Variants in MTMR2 observed in about 807,000 individuals in gnomAD.
MTMR2 encodes myotubularin related protein 2, also known as phosphatidylinositol-3,5-bisphosphate 3-phosphatase MTMR2.
A neutral mutation model predicts 86.9 loss-of-function variants in MTMR2; 55 were observed. That is an observed-to-expected ratio of 0.63 (90% confidence interval 0.51 to 0.79). The LOEUF (loss-of-function observed/expected upper bound fraction) is 0.79, where lower values mean the gene tolerates loss of function less well. Among genes scored for constraint, MTMR2 ranks in the 30% least tolerant of loss-of-function variants. MTMR2 has a pLI of 0.00. For missense variants in MTMR2, 659 were observed against 772.3 expected (o/e 0.85, Z 1.74); for synonymous variants, 241 against 266.8 (o/e 0.90, Z 0.94).
chr11:95,886,855 T>C (rs567791750), intron 2 of MTMR2, among the ~76,000 whole-genome samples: 5 of 152,288 alleles, frequency 3.3e-5, no homozygotes, highest in Non-Finnish European at 7.4e-5. Context: ...GATACATACA[T>C]ATATTTTAAA....
rs1863079167 is a variant in MTMR2 at position 95,832,892 on chromosome 11, A to G, written c.*2398T>C. The G allele has an allele frequency of 6.6e-6, 1 of 152,172 alleles. No homozygotes were observed. The highest frequency in any genetic ancestry group is 2.4e-5 in the African/African-American group (1 of 41,452). 9.4% of individuals were successfully genotyped at this position (152,172 alleles called of 1,614,324 possible). Reference sequence around the variant, plus strand: ...GTCATCCATCCACTTACGTTGTAACAGAGCTTTATTGCAATTCATTTCAAA... The same window carrying G: ...GTCATCCATCCACTTACGTTGTAACGGAGCTTTATTGCAATTCATTTCAAA... On this transcript the variant is annotated 3_prime_UTR_variant, in exon 15 of 15. Transcript: ENST00000346299.
Position 95,905,847 on chromosome 11 carries a change from G to A in MTMR2, c.81-17586C>T, listed in dbSNP as rs1355069772. Among the ~76,000 whole-genome samples the A allele has an allele frequency of 2.6e-5, 4 of 152,012 alleles. No individual in the cohort carries two copies. The East Asian group carries it at 7.7e-4, about 29-fold the overall frequency. The stretch of plus-strand genomic sequence containing the variant: ...CACTAAAATAAGGAGATAATATATA[G>A]GCTCAAAGTAAAGGGATAGAGAAAA... On this transcript the variant is annotated intron_variant, in intron 1 of 14. Coordinates refer to ENST00000346299, the MANE Select transcript of MTMR2 (RefSeq NM_016156.6).
intron 1 of MTMR2, chr11:95,914,338 G>A (rs912989330): frequency 3.1e-6 from 3 of 983,412 alleles, no homozygotes; most frequent in African/African-American, 3.5e-5. Context: ...AAGGAACTTA[G>A]GGGAATTCAG....
intron 14 of MTMR2, 71 bp downstream of exon 14, chr11:95,836,077 C>T: frequency 2.1e-6 from 3 of 1,406,752 alleles, no homozygotes; most frequent in Non-Finnish European, 3.0e-6. Flanking sequence ...ATAATCTTTC[C>T]AGCTGCTTTT....
intron 2 of MTMR2, among the ~76,000 whole-genome samples, chr11:95,873,900 T>C (rs1198022217): frequency 6.6e-6 from 1 of 151,992 alleles, no homozygotes; most frequent in South Asian, 2.1e-4. Flanking sequence ...TGTAGTTGAG[T>C]GGTTTTGAGT....
chr11:95,838,843 C>G (rs1200813567), intron 12 of MTMR2, among the ~76,000 whole-genome samples: 2 of 151,924 alleles, frequency 1.3e-5, no homozygotes, highest in East Asian at 1.9e-4. Flanking sequence ...GACTGGATGT[C>G]TTAGTTTTAC....
At chr11:95,852,130 C>G (rs2135447422) in intron 7 of MTMR2, among the ~76,000 whole-genome samples, 1 of 152,286 alleles carries the variant, frequency 6.6e-6, no homozygotes, top group South Asian at 2.1e-4. Context: ...ATTTACTGAG[C>G]ATCTACTATG....
chr11:95,856,333 CT>C (rs11454567), intron 7 of MTMR2, among the ~76,000 whole-genome samples: 119 of 145,166 alleles, frequency 8.2e-4, no homozygotes, highest in Non-Finnish European at 1.0e-3. Flanking sequence ...TTACCACTTC[CT>C]TTTTTTTTTT....
At chr11:95,860,337 C>T (rs534984710) in intron 5 of MTMR2, among the ~76,000 whole-genome samples, 3 of 152,166 alleles carry the variant, frequency 2.0e-5, no homozygotes, top group South Asian at 2.1e-4. Flanking sequence ...CCCATCTCTA[C>T]CAAAAATACA....
intron 2 of MTMR2, among the ~76,000 whole-genome samples, chr11:95,871,106 T>A (rs967397517): frequency 6.6e-6 from 1 of 152,240 alleles, no homozygotes; most frequent in Admixed American, 6.5e-5. Context: ...ATGGTGTATA[T>A]GTGCCACATT....
intron 5 of MTMR2, among the ~76,000 whole-genome samples, chr11:95,860,315 A>G (rs1487254032): frequency 6.6e-6 from 1 of 152,154 alleles, no homozygotes; most frequent in Non-Finnish European, 1.5e-5. Context: ...CAACCTGGCC[A>G]ATGTGGTGAA....
chr11:95,896,251 T>G (rs1472324231), intron 1 of MTMR2, among the ~76,000 whole-genome samples: 1 of 152,144 alleles, frequency 6.6e-6, no homozygotes, highest in Non-Finnish European at 1.5e-5. Flanking sequence ...TTTCATTCTT[T>G]TCACTTACAA....
chr11:95,907,863 T>A (rs1314408315), intron 1 of MTMR2: 1 of 444,996 alleles, frequency 2.2e-6, no homozygotes, highest in African/African-American at 2.0e-5. Flanking sequence ...GGAACATACC[T>A]CAAAATAGTG....
chr11:95,868,425 GAAATA>G (rs1864719381), intron 2 of MTMR2, among the ~76,000 whole-genome samples: 1 of 151,622 alleles, frequency 6.6e-6, no homozygotes, highest in African/African-American at 2.4e-5. Flanking sequence ...TGTAATAGCA[GAAATA>G]AAATCTGTAT....
At chr11:95,915,820 A>G (rs1448341572) in intron 1 of MTMR2, among the ~76,000 whole-genome samples, 1 of 152,180 alleles carries the variant, frequency 6.6e-6, no homozygotes, top group Non-Finnish European at 1.5e-5. Flanking sequence ...TTTACCGTGC[A>G]ATTCCTTGAG....
At chr11:95,848,656 A>G (rs1863895055) in intron 9 of MTMR2, among the ~76,000 whole-genome samples, 1 of 152,118 alleles carries the variant, frequency 6.6e-6, no homozygotes, top group Admixed American at 6.5e-5. Flanking sequence ...AATAGAAACA[A>G]ATTAGGAAAA....
chr11:95,836,435 G>A (rs1266615152), intron 13 of MTMR2, 111 bp from the exon 14 acceptor site: 2 of 1,051,606 alleles, frequency 1.9e-6, no homozygotes, highest in African/African-American at 1.6e-5. Flanking sequence ...TAGAGGAAGT[G>A]GACTTGGAGA....
chr11:95,878,730 C>T (rs1000096018), intron 2 of MTMR2, among the ~76,000 whole-genome samples: 2 of 152,096 alleles, frequency 1.3e-5, no homozygotes, highest in Non-Finnish European at 2.9e-5. Flanking sequence ...GGACGAGCCC[C>T]ACACCTTCTG....
intron 1 of MTMR2, among the ~76,000 whole-genome samples, chr11:95,923,036 T>A (rs1021009589): frequency 2.0e-5 from 3 of 152,174 alleles, no homozygotes; most frequent in East Asian, 1.9e-4. Flanking sequence ...TTTTAAAAAA[T>A]TTTTAAATCA....
Sources: gnomAD v4.1 joint callset for allele counts (sites outside exome capture counted in the v4.1 genomes callset) on GRCh38, gnomAD v4.1.1 for gene constraint, MANE v1.5 for transcripts, NCBI Gene and HGNC (gene_info 2026-07-23, HGNC 2026-07-21) for gene names.